The following EFEMP1 variants were observed in gnomAD, a reference collection of about 807,000 sequenced individuals.
EFEMP1 encodes the protein EGF-like fibulin extracellular matrix protein 1.
In EFEMP1, 18 loss-of-function variants were observed where a neutral mutation model predicts 65.7. The observed-to-expected ratio is 0.27, with a 90% confidence interval of 0.19 to 0.41. The LOEUF (loss-of-function observed/expected upper bound fraction) is 0.41. EFEMP1 is among the 10% of genes least tolerant of loss of function. The pLI, the probability that EFEMP1 is intolerant of heterozygous loss-of-function variation, is 1.00. For missense variants in EFEMP1, 469 were observed against 624.8 expected (o/e 0.75, Z 2.66); for synonymous variants, 237 against 219.7 (o/e 1.08, Z -0.70).
intron 6 of EFEMP1, among the ~76,000 whole-genome samples, chr2:55,881,018 C>A (rs187813953): frequency 2.0e-5 from 3 of 152,274 alleles, no homozygotes; most frequent in African/African-American, 4.8e-5. Context: ...TATAAAGAGC[C>A]TTTAATACCC....
chr2:55,903,569 G>A (rs143926593), intron 5 of EFEMP1, among the ~76,000 whole-genome samples: 43 of 152,086 alleles, frequency 2.8e-4, no homozygotes, highest in African/African-American at 9.9e-4. Flanking sequence ...GGATCCCCAG[G>A]GAACTGATAT....
At chr2:55,888,225 AG>A (rs1211062378) in intron 5 of EFEMP1, among the ~76,000 whole-genome samples, 1 of 152,194 alleles carries the variant, frequency 6.6e-6, no homozygotes, top group East Asian at 1.9e-4. Flanking sequence ...CAGAATCTCA[AG>A]GAAACAACAT....
chr2:55,868,349 T>G (rs1302216497), intron 11 of EFEMP1, among the ~76,000 whole-genome samples: 3 of 152,058 alleles, frequency 2.0e-5, no homozygotes, highest in African/African-American at 7.2e-5. Context: ...CTGCTCTCAT[T>G]ATGCTCATAT....
In EFEMP1 at chr2:55,870,307, T is replaced by C. The variant is rs1392065779; in HGVS notation, c.1320+413A>G. Reference sequence around the variant, plus strand: ...ATTTTGGGTTTGAATTATATGTATGTCTATGTATAATTAATTAACCATCAA... The same window carrying C: ...ATTTTGGGTTTGAATTATATGTATGCCTATGTATAATTAATTAACCATCAA... On this transcript the variant is annotated intron_variant, in intron 11 of 11. Coordinates refer to ENST00000355426, the MANE Select transcript of EFEMP1 (RefSeq NM_001039348.3). This position sits in a 1 kb window ranked among gnomAD's most constrained non-coding sequence, Gnocchi z 5.8. 6.7e-6 allele frequency among the ~76,000 whole-genome samples: 1 copy of C among 148,306 alleles called. No homozygotes were observed. The highest frequency in any genetic ancestry group is 1.5e-5 in the Non-Finnish European group (1 of 67,220).
chr2:55,907,872 G>A (rs903219237), intron 5 of EFEMP1, among the ~76,000 whole-genome samples: 2 of 152,174 alleles, frequency 1.3e-5, no homozygotes, highest in Non-Finnish European at 2.9e-5. Context: ...TTAACTACAT[G>A]CAGTTCCAGC....
Position 55,877,598 on chromosome 2 carries a change from T to G in EFEMP1, c.760+148A>C. 2.4e-6 allele frequency: 3 copies of G among 1,264,610 alleles called. No homozygotes were observed. Among genetic ancestry groups the G allele is most frequent in the Non-Finnish European group, 1.1e-6 (1 of 899,090 alleles). The allele number at this position is 1,264,610 out of a possible 1,614,324, so 78.3% of individuals were successfully genotyped here. A position where few individuals can be genotyped will look rare whatever the true frequency, so the allele number is the denominator to read the frequency against. On this transcript the variant is annotated intron_variant, in intron 7 of 11. Transcript: ENST00000355426. The surrounding 1 kb of genome is among the most constrained non-coding windows in gnomAD (Gnocchi z 4.5). ...ATCTTGATGTGTTTTAAGACACAGA[T>G]TGGTTATTATCTTTTAAGCTTTATG...
At chr2:55,875,363 C>T (rs139205504) in intron 8 of EFEMP1, among the ~76,000 whole-genome samples, 16,441 of 147,442 alleles carry the variant, frequency 0.11, 1,163 homozygotes, top group African/African-American at 0.2. Context: ...CACACACACA[C>T]ACATATATAT....
chr2:55,874,898 C>T, intron 9 of EFEMP1, 48 bp downstream of exon 9: 1 of 1,561,598 alleles, frequency 6.4e-7, no homozygotes, highest in Non-Finnish European at 8.7e-7. Context: ...CTTGTCTCTT[C>T]CTGGCTAAAA....
At chr2:55,918,359 C>T in intron 3 of EFEMP1, 92 bp from the exon 4 acceptor site, 1 of 1,424,062 alleles carries the variant, frequency 7.0e-7, no homozygotes, top group Non-Finnish European at 9.9e-7. Flanking sequence ...ATTCTTATGG[C>T]AACAATCCTT....
rs370957225 is a variant in EFEMP1, at chr2:55,918,419, G to A, written c.82-152C>T. 5.7e-5 allele frequency: 53 copies of A among 937,262 alleles called. No homozygotes were observed. In the African/African-American group the frequency reaches 5.9e-4, roughly 10 times the overall value. The allele number at this position is 937,262 out of a possible 1,614,324, so 58.1% of individuals were successfully genotyped here. A position where few individuals can be genotyped will look rare whatever the true frequency, so the allele number is the denominator to read the frequency against. ...GAGATGGGTGGTTTAACATTCTATC[G>A]CTTTTTTTTCAAAAGACAAGTCTGT... On this transcript the variant is annotated intron_variant, in intron 3 of 11. Coordinates refer to ENST00000355426, the MANE Select transcript of EFEMP1 (RefSeq NM_001039348.3).
rs1669432167 is a variant in EFEMP1 at position 55,886,647 on chromosome 2, C to G, written c.518-4913G>C. On this transcript the variant is annotated intron_variant, in intron 5 of 11. Coordinates refer to ENST00000355426, the MANE Select transcript of EFEMP1 (RefSeq NM_001039348.3). This position sits in a 1 kb window ranked among gnomAD's most constrained non-coding sequence, Gnocchi z 4.0. ...CATTCTTAATGATTTAGATACCCAC[C>G]TGCTCAAAATGATTGCTCCCAATCC... Among the ~76,000 whole-genome samples, 1 of 152,136 alleles carries G rather than the reference C, an allele frequency of 6.6e-6. No individual in the cohort carries two copies. Among genetic ancestry groups the G allele is most frequent in the South Asian group, 2.1e-4 (1 of 4,826 alleles).
At chr2:55,920,250 C>T (rs910179260) in intron 3 of EFEMP1, among the ~76,000 whole-genome samples, 5 of 152,240 alleles carry the variant, frequency 3.3e-5, no homozygotes, top group Admixed American at 6.5e-5. Context: ...GTTCTGTCTC[C>T]TCTAATATGC....
chr2:55,905,651 G>A (rs1670232064), intron 5 of EFEMP1, among the ~76,000 whole-genome samples: 1 of 152,106 alleles, frequency 6.6e-6, no homozygotes, highest in Non-Finnish European at 1.5e-5. Context: ...GTTTCATCGT[G>A]TTGGTCAGGC....
rs1416035638 is a variant in EFEMP1 at position 55,870,675 on chromosome 2, ACTCCCATCTTT to A, written c.1320+34_1320+44del. 1 of 1,592,986 alleles carries A rather than the reference ACTCCCATCTTT, an allele frequency of 6.3e-7. No homozygotes were observed. The highest frequency in any genetic ancestry group is 1.1e-5 in the South Asian group (1 of 90,310). ...ACAACAACAACAACAACAACAACAA[ACTCCCATCTTT>A]CTCAATAGTTAAGGCTGCCTTCAGG... On this transcript the variant is annotated intron_variant, in intron 11 of 11. Transcript: ENST00000355426. This position sits in a 1 kb window ranked among gnomAD's most constrained non-coding sequence, Gnocchi z 5.8.
At position 55,922,052 on chromosome 2, in the gene EFEMP1, T is replaced by C; in HGVS notation, c.81+308A>G. The C allele has an allele frequency of 2.7e-6, 1 of 373,130 alleles. No homozygotes were observed. The allele number at this position is 373,130 out of a possible 1,614,324, so 23.1% of individuals were successfully genotyped here. A position where few individuals can be genotyped will look rare whatever the true frequency, so the allele number is the denominator to read the frequency against. On this transcript the variant is annotated intron_variant, in intron 3 of 11. Transcript: ENST00000355426. This position sits in a 1 kb window ranked among gnomAD's most constrained non-coding sequence, Gnocchi z 5.5. The stretch of plus-strand genomic sequence containing the variant: ...CAGGTTTTCCAGTTCCTTACACCCA[T>C]TAATTTGTTGAATGTTTTGGAAACA...
In EFEMP1 at chr2:55,871,647, AAG is replaced by A. The variant is rs1230677550; in HGVS notation, c.1001-526_1001-525del. ...TGGAGTTTTCATGGCTGGGGCAGGGAAGGCTTTCCAAGCTGAGAAATCAGGAA... is the reference window on the plus strand; with the variant it reads ...TGGAGTTTTCATGGCTGGGGCAGGGAGCTTTCCAAGCTGAGAAATCAGGAA... On this transcript the variant is annotated intron_variant, in intron 9 of 11. Coordinates refer to ENST00000355426, the MANE Select transcript of EFEMP1 (RefSeq NM_001039348.3). The surrounding 1 kb of genome is among the most constrained non-coding windows in gnomAD (Gnocchi z 4.2). Among the ~76,000 whole-genome samples, 3 of 151,988 alleles carry A rather than the reference AAG, an allele frequency of 2.0e-5. No individual in the cohort carries two copies. The highest frequency in any genetic ancestry group is 4.4e-5 in the Non-Finnish European group (3 of 67,976).
chr2:55,871,440 A>T lies in EFEMP1; in HGVS notation c.1001-317T>A, dbSNP rs1289399206. Among the ~76,000 whole-genome samples, 1 of 152,190 alleles carries T rather than the reference A, an allele frequency of 6.6e-6. No homozygotes were observed. Among genetic ancestry groups the T allele is most frequent in the African/African-American group, 2.4e-5 (1 of 41,462 alleles). On this transcript the variant is annotated intron_variant, in intron 9 of 11. Coordinates refer to ENST00000355426, the MANE Select transcript of EFEMP1 (RefSeq NM_001039348.3). The surrounding 1 kb of genome is among the most constrained non-coding windows in gnomAD (Gnocchi z 4.2). ...AAGTTAAACACCAGTTCTTGTCATC[A>T]GGGACATTATAATTGAGGGAATGTG...
chr2:55,876,400 T>G (rs993759187), intron 8 of EFEMP1, among the ~76,000 whole-genome samples: 2 of 152,150 alleles, frequency 1.3e-5, no homozygotes, highest in Non-Finnish European at 2.9e-5. Context: ...TTTCTAATTA[T>G]TAGAGCCAGC....
rs1668876451 is a variant in EFEMP1 at position 55,873,043 on chromosome 2, C to T, written c.1000+1903G>A. ...GTGTGTGTCTATGTGTATGTGTATT[C>T]TTTTGTCTCTCTGTCTCTCTCTCCA... On this transcript the variant is annotated intron_variant, in intron 9 of 11. Transcript: ENST00000355426. The surrounding 1 kb of genome is among the most constrained non-coding windows in gnomAD (Gnocchi z 4.6). Among the ~76,000 whole-genome samples, 1 of 138,948 alleles carries T rather than the reference C, an allele frequency of 7.2e-6. No homozygotes were observed. The highest frequency in any genetic ancestry group is 2.7e-5 in the African/African-American group (1 of 36,434). The allele number at this position is 138,948 out of a possible 152,430, so 91.2% of individuals were successfully genotyped here.
Sources: allele counts gnomAD v4.1 joint callset (sites outside exome capture counted in the v4.1 genomes callset), GRCh38; gene constraint gnomAD v4.1.1; non-coding constraint Gnocchi (gnomAD v3.1); transcripts MANE v1.5; gene names NCBI Gene and HGNC (gene_info 2026-07-23, HGNC 2026-07-21).